The following DTNA variants were observed in gnomAD, a reference collection of about 807,000 sequenced individuals.
The protein encoded by DTNA is dystrobrevin alpha.
A neutral mutation model predicts 100.7 loss-of-function variants in DTNA; 43 were observed. The observed-to-expected ratio is 0.43, with a 90% CI of 0.33 to 0.55. DTNA has a LOEUF of 0.55. Among genes scored for constraint, DTNA ranks in the 20% least tolerant of loss-of-function variants. The pLI is 0.04. For synonymous variants in DTNA, 349 were observed against 347.9 expected (o/e 1.00, Z -0.04); for missense variants, 798 against 953.9 (o/e 0.84, Z 2.15).
chr18:34,635,721 A>T (rs1411248837), intron 1 of DTNA, among the ~76,000 whole-genome samples: 4 of 152,146 alleles, frequency 2.6e-5, no homozygotes, highest in Non-Finnish European at 4.4e-5. Flanking sequence ...TGTTAATATA[A>T]CCATTGATCT....
intron 1 of DTNA, among the ~76,000 whole-genome samples, chr18:34,664,250 G>A (rs1198061326): frequency 6.6e-6 from 1 of 151,668 alleles, no homozygotes; most frequent in Non-Finnish European, 1.5e-5. Flanking sequence ...AGATATTAGG[G>A]GATTTCCAAA....
chr18:34,646,451 A>G (rs573589700), intron 1 of DTNA, among the ~76,000 whole-genome samples: 1 of 152,286 alleles, frequency 6.6e-6, no homozygotes, highest in East Asian at 1.9e-4. Flanking sequence ...TTAATGTCTA[A>G]AAGTCATTTT....
intron 5 of DTNA, among the ~76,000 whole-genome samples, chr18:34,808,215 G>A (rs1049683515): frequency 5.3e-5 from 8 of 152,134 alleles, no homozygotes; most frequent in African/African-American, 1.9e-4. Flanking sequence ...TAACATACCA[G>A]GCTAATTCTG....
chr18:34,592,073 G>T (rs2049790827), intron 1 of DTNA, among the ~76,000 whole-genome samples: 1 of 152,138 alleles, frequency 6.6e-6, no homozygotes, highest in Non-Finnish European at 1.5e-5. Flanking sequence ...GTTCCAAGGA[G>T]CAGCTGCAGC....
At chr18:34,580,459 G>T (rs114766042) in intron 1 of DTNA, among the ~76,000 whole-genome samples, 75 of 152,146 alleles carry the variant, frequency 4.9e-4, no homozygotes, top group African/African-American at 1.3e-3. Context: ...TTCTCTATTT[G>T]GCTGTGTGTG....
intron 1 of DTNA, chr18:34,593,521 T>C (rs1285589785): frequency 6.6e-6 from 1 of 152,226 alleles, no homozygotes; most frequent in Non-Finnish European, 1.5e-5. Flanking sequence ...TAAGAGATCA[T>C]GGTGTGCATG....
intron 13 of DTNA, among the ~76,000 whole-genome samples, chr18:34,847,514 T>C (rs759970699): frequency 6.6e-6 from 1 of 152,178 alleles, no homozygotes; most frequent in Non-Finnish European, 1.5e-5. Context: ...CTTAGCTAAG[T>C]CCCTCTGGTT....
intron 1 of DTNA, among the ~76,000 whole-genome samples, chr18:34,730,040 AATAAATGTAGGC>A (rs1377066592): frequency 6.6e-6 from 1 of 152,180 alleles, no homozygotes; most frequent in Non-Finnish European, 1.5e-5. Flanking sequence ...TAATTCCAAA[AATAAATGTAGGC>A]ATTTGCTTGA....
At chr18:34,817,232 T>C (rs1602582130) in intron 7 of DTNA, among the ~76,000 whole-genome samples, 1 of 152,220 alleles carries the variant, frequency 6.6e-6, no homozygotes, top group East Asian at 1.9e-4. Context: ...AGACAATGCG[T>C]CCAGAGCTAG....
intron 1 of DTNA, among the ~76,000 whole-genome samples, chr18:34,555,827 C>G (rs945992961): frequency 6.6e-6 from 1 of 151,336 alleles, no homozygotes; most frequent in African/African-American, 2.4e-5. Context: ...AGGTGTGGTG[C>G]TGAAAAAAAT....
At chr18:34,683,603 G>A (rs996249424) in intron 1 of DTNA, 2 of 152,060 alleles carry the variant, frequency 1.3e-5, no homozygotes, top group Non-Finnish European at 2.9e-5. Flanking sequence ...AACCTGCAAT[G>A]CCTAATTTAG....
chr18:34,780,139 G>A (rs533679226), intron 3 of DTNA, among the ~76,000 whole-genome samples: 7 of 152,100 alleles, frequency 4.6e-5, no homozygotes, highest in Non-Finnish European at 1.0e-4. Flanking sequence ...TAAATTGTCG[G>A]TAGCTGTTTT....
chr18:34,601,629 G>A (rs1037834918), intron 1 of DTNA, among the ~76,000 whole-genome samples: 1 of 152,202 alleles, frequency 6.6e-6, no homozygotes, highest in African/African-American at 2.4e-5. Context: ...TCTGTGAACA[G>A]GTCCATACTT....
At position 34,843,531 on chromosome 18, in the gene DTNA, G is replaced by A. The variant is rs111577360; in HGVS notation, c.1346+4694G>A. Among the ~76,000 whole-genome samples, 988 of 152,158 alleles carry A rather than the reference G, an allele frequency of 6.5e-3. 15 individuals carry two copies. The highest frequency in any genetic ancestry group is 0.022 in the African/African-American group (926 of 41,512). ...AGCAGGGTTGGTTTCTCCTGTCCTTGACTTGCAGATGGACACCTTCCTGCT... is the reference window on the plus strand; with the variant it reads ...AGCAGGGTTGGTTTCTCCTGTCCTTAACTTGCAGATGGACACCTTCCTGCT... On this transcript the variant is annotated intron_variant, in intron 13 of 22. Coordinates refer to ENST00000444659, the MANE Select transcript of DTNA (RefSeq NM_001386795.1).
intron 16 of DTNA, among the ~76,000 whole-genome samples, chr18:34,862,124 C>CA (rs1002538086): frequency 0.059 from 3,306 of 56,000 alleles, 74 homozygotes; most frequent in African/African-American, 0.13. Flanking sequence ...CAGACAAGGT[C>CA]AAAAAAAAAA....
At chr18:34,784,290 A>G (rs1282715269) in intron 3 of DTNA, among the ~76,000 whole-genome samples, 1 of 152,222 alleles carries the variant, frequency 6.6e-6, no homozygotes, top group African/African-American at 2.4e-5. Context: ...CCCTCATTGA[A>G]AAATTAAGAG....
intron 13 of DTNA, among the ~76,000 whole-genome samples, chr18:34,839,314 T>A (rs936034702): frequency 3.9e-5 from 6 of 152,232 alleles, no homozygotes; most frequent in Admixed American, 3.9e-4. Context: ...ATGATAACAG[T>A]GGGAACAATC....
At chr18:34,518,475 G>A (rs946214542) in intron 1 of DTNA, among the ~76,000 whole-genome samples, 1 of 151,608 alleles carries the variant, frequency 6.6e-6, no homozygotes, top group East Asian at 1.9e-4. Flanking sequence ...TTGCAGTTTT[G>A]GTATCAAGTT....
intron 1 of DTNA, among the ~76,000 whole-genome samples, chr18:34,719,133 G>A (rs1257075831): frequency 6.6e-6 from 1 of 151,926 alleles, no homozygotes; most frequent in African/African-American, 2.4e-5. Context: ...TTCAAGACCA[G>A]TCTGGCACCA....
Sources: allele counts gnomAD v4.1 joint callset (sites outside exome capture counted in the v4.1 genomes callset), GRCh38; gene constraint gnomAD v4.1.1; transcripts MANE v1.5; gene names NCBI Gene and HGNC (gene_info 2026-07-23, HGNC 2026-07-21).